Variants in LAMA2 observed in about 807,000 individuals in gnomAD.
LAMA2 encodes laminin subunit alpha-2.
A neutral mutation model predicts 364.8 loss-of-function variants in LAMA2; 269 were observed. The observed-to-expected ratio is 0.74, with a 90% CI of 0.67 to 0.82. The LOEUF (loss-of-function observed/expected upper bound fraction) is 0.82, where lower values mean the gene tolerates loss of function less well. Ranked by LOEUF, LAMA2 falls within the 40% of genes least tolerant of loss-of-function variation. The pLI is 0.00. For missense variants in LAMA2, 3,807 were observed against 3,873.2 expected (o/e 0.98, Z 0.45); for synonymous variants, 1,379 against 1,370.6 (o/e 1.01, Z -0.14).
intron 43 of LAMA2, among the ~76,000 whole-genome samples, chr6:129,441,304 A>T (rs1173043507): frequency 1.3e-5 from 2 of 152,190 alleles, no homozygotes; most frequent in Non-Finnish European, 2.9e-5. Context: ...GTGTGTAATT[A>T]AAAACACAGT....
chr6:129,463,166 A>G (rs1442035775), intron 49 of LAMA2, among the ~76,000 whole-genome samples: 1 of 152,044 alleles, frequency 6.6e-6, no homozygotes, highest in East Asian at 1.9e-4. Context: ...GCTCCAAAAT[A>G]GCATAATTAA....
chr6:128,897,778 C>T (rs1776858876), intron 1 of LAMA2, among the ~76,000 whole-genome samples: 1 of 152,192 alleles, frequency 6.6e-6, no homozygotes. Flanking sequence ...AGAATATCAT[C>T]CAGTTGGCCC....
intron 1 of LAMA2, among the ~76,000 whole-genome samples, chr6:128,891,202 G>T (rs1257640412): frequency 1.3e-5 from 2 of 151,996 alleles, no homozygotes; most frequent in East Asian, 3.9e-4. Flanking sequence ...TAGTTGCCTT[G>T]ACAAATGATT....
At chr6:128,990,254 T>G (rs1002868999) in intron 1 of LAMA2, among the ~76,000 whole-genome samples, 1 of 152,190 alleles carries the variant, frequency 6.6e-6, no homozygotes, top group African/African-American at 2.4e-5. Flanking sequence ...TACTCTCTTT[T>G]GTATTTACTA....
chr6:129,219,305 G>A (rs563222855), intron 12 of LAMA2, among the ~76,000 whole-genome samples: 6 of 152,248 alleles, frequency 3.9e-5, no homozygotes, highest in African/African-American at 1.2e-4. Flanking sequence ...TAGAATGGCA[G>A]TCATTAAAAA....
chr6:129,115,243 G>A (rs191659962), intron 4 of LAMA2, among the ~76,000 whole-genome samples: 8 of 152,076 alleles, frequency 5.3e-5, no homozygotes, highest in Non-Finnish European at 1.0e-4. Flanking sequence ...TTCCACATGT[G>A]TGTTCTAAAA....
intron 17 of LAMA2, among the ~76,000 whole-genome samples, chr6:129,273,806 C>G (rs1195760988): frequency 6.6e-6 from 1 of 151,954 alleles, no homozygotes; most frequent in African/African-American, 2.4e-5. Flanking sequence ...ATGCATATAA[C>G]ACAGTGATAA....
chr6:129,407,209 C>A (rs927655170), intron 40 of LAMA2, among the ~76,000 whole-genome samples: 1 of 152,108 alleles, frequency 6.6e-6, no homozygotes, highest in South Asian at 2.1e-4. Flanking sequence ...CACAGAGACA[C>A]CCAGGAACAA....
intron 8 of LAMA2, among the ~76,000 whole-genome samples, chr6:129,162,968 A>G (rs541943095): frequency 8.5e-4 from 130 of 152,270 alleles, no homozygotes; most frequent in Non-Finnish European, 8.5e-4. Context: ...TTTACAGAAA[A>G]GTTTTCCAAC....
chr6:129,137,787 A>G (rs1205707367), intron 4 of LAMA2, among the ~76,000 whole-genome samples: 1 of 152,122 alleles, frequency 6.6e-6, no homozygotes, highest in Non-Finnish European at 1.5e-5. Flanking sequence ...AATTACTGAT[A>G]ATATAGTATG....
chr6:129,059,766 A>G lies in LAMA2; in HGVS notation c.284-18A>G, dbSNP rs1383744096. The stretch of plus-strand genomic sequence containing the variant: ...GATCTTTTCTTCTTCCTTTCATATG[A>G]TGCTGCTAACTCAATAGAGAGACAC... On this transcript the variant is annotated intron_variant, in intron 2 of 64. Coordinates refer to ENST00000421865, the MANE Select transcript of LAMA2 (RefSeq NM_000426.4). 7.1e-7 allele frequency: 1 copy of G among 1,414,850 alleles called. No individual in the cohort carries two copies. 87.6% of individuals were successfully genotyped at this position (1,414,850 alleles called of 1,614,324 possible). A position where few individuals can be genotyped will look rare whatever the true frequency, so the allele number is the denominator to read the frequency against.
At chr6:129,431,429 C>A (rs1414838853) in intron 41 of LAMA2, among the ~76,000 whole-genome samples, 2 of 151,190 alleles carry the variant, frequency 1.3e-5, no homozygotes, top group South Asian at 2.1e-4. Flanking sequence ...GGTAACATAC[C>A]TATAAAATAG....
intron 30 of LAMA2, among the ~76,000 whole-genome samples, chr6:129,343,104 T>A (rs1171051350): frequency 2.6e-5 from 4 of 152,168 alleles, no homozygotes; most frequent in African/African-American, 9.7e-5. Context: ...GTTTATACAT[T>A]GATGAAAACC....
chr6:129,060,513 A>T (rs1468214278), intron 3 of LAMA2, among the ~76,000 whole-genome samples: 1 of 152,210 alleles, frequency 6.6e-6, no homozygotes, highest in Non-Finnish European at 1.5e-5. Flanking sequence ...GAAGTTATTA[A>T]TCAGGAATCG....
chr6:129,314,398 C>CAAAAAAAAAAAAAAAAA (rs3062342), intron 23 of LAMA2, among the ~76,000 whole-genome samples: 31 of 81,856 alleles, frequency 3.8e-4, no homozygotes, highest in African/African-American at 1.4e-3. Flanking sequence ...GACTCCGTCT[C>CAAAAAAAAAAAAAAAAA]AAAAAAAAAA....
intron 3 of LAMA2, among the ~76,000 whole-genome samples, chr6:129,075,208 A>T (rs143859787): frequency 6.6e-6 from 1 of 152,330 alleles, no homozygotes; most frequent in Non-Finnish European, 1.5e-5. Flanking sequence ...TACCAGTCAT[A>T]GAAAAATCTG....
intron 1 of LAMA2, among the ~76,000 whole-genome samples, chr6:128,981,914 C>T (rs116704964): frequency 2.0e-3 from 305 of 152,204 alleles, no homozygotes; most frequent in African/African-American, 6.9e-3. Context: ...TTTGGGAAGC[C>T]GTTCTCTAGT....
intron 1 of LAMA2, among the ~76,000 whole-genome samples, chr6:128,979,951 AAG>A (rs1222089649): frequency 6.6e-6 from 1 of 152,242 alleles, no homozygotes; most frequent in Non-Finnish European, 1.5e-5. Context: ...ACACAAATGA[AAG>A]AAGATATTTA....
At chr6:129,205,491 TATACACACACACACACACACACACAC>T (rs1220456134) in intron 12 of LAMA2, among the ~76,000 whole-genome samples, 3 of 123,090 alleles carry the variant, frequency 2.4e-5, no homozygotes, top group African/African-American at 9.9e-5. Context: ...TATATATATA[TATACACACACACACACACACACACAC>T]ACACACACAC....
Sources: allele counts gnomAD v4.1 joint callset (sites outside exome capture counted in the v4.1 genomes callset), GRCh38; gene constraint gnomAD v4.1.1; transcripts MANE v1.5; gene names NCBI Gene and HGNC (gene_info 2026-07-23, HGNC 2026-07-21).